PSD3: variants seen among roughly 807,000 people sequenced by gnomAD.
PSD3 encodes pleckstrin and Sec7 domain containing 3.
Under a neutral mutation model 105.5 loss-of-function variants are expected in PSD3, and 49 were observed. The observed-to-expected ratio is 0.46, with a 90% CI of 0.37 to 0.59. The LOEUF (loss-of-function observed/expected upper bound fraction) is 0.59. Ranked by LOEUF, PSD3 falls within the 20% of genes least tolerant of loss-of-function variation. PSD3 has a pLI of 0.00. For synonymous variants in PSD3, 557 were observed against 457.8 expected (o/e 1.22, Z -2.77); for missense variants, 1,561 against 1,263.8 (o/e 1.24, Z -3.57).
At chr8:18,633,802 G>C (rs891396355) in intron 10 of PSD3, among the ~76,000 whole-genome samples, 1 of 152,080 alleles carries the variant, frequency 6.6e-6, no homozygotes, top group Non-Finnish European at 1.5e-5. Context: ...GATTTGAATG[G>C]TAGTTCTTTT....
At chr8:18,918,996 C>T (rs1374685139) in intron 2 of PSD3, among the ~76,000 whole-genome samples, 2 of 152,134 alleles carry the variant, frequency 1.3e-5, no homozygotes, top group African/African-American at 4.8e-5. Context: ...TTCCTTAATT[C>T]TCCTTTCTAC....
chr8:18,859,224 C>CTTTT lies in PSD3; in HGVS notation c.1634+8446_1634+8449dup, dbSNP rs35179243. On this transcript the variant is annotated intron_variant, in intron 4 of 15. Coordinates refer to ENST00000327040, the MANE Select transcript of PSD3 (RefSeq NM_015310.4). Reference sequence around the variant, plus strand: ...TAGCAGTAGTATTTTCAAAGAAATCCTTTTTTTTTTTTTTTTTGCCTCTAA... The same window carrying CTTTT: ...TAGCAGTAGTATTTTCAAAGAAATCCTTTTTTTTTTTTTTTTTTTTTGCCTCTAA... Among the ~76,000 whole-genome samples, 603 of 130,358 alleles carry CTTTT rather than the reference C, an allele frequency of 4.6e-3. 7 individuals carry two copies. The highest frequency in any genetic ancestry group is 0.016 in the South Asian group (63 of 3,972). The allele number at this position is 130,358 out of a possible 152,430, so 85.5% of individuals were successfully genotyped here. A position where few individuals can be genotyped will look rare whatever the true frequency, so the allele number is the denominator to read the frequency against.
chr8:18,967,428 G>C (rs1320901464), intron 1 of PSD3, among the ~76,000 whole-genome samples: 1 of 152,150 alleles, frequency 6.6e-6, no homozygotes, highest in Non-Finnish European at 1.5e-5. Context: ...ACAGGCGTGA[G>C]CCACCGCGCC....
chr8:18,901,931 A>C (rs1380201002), intron 2 of PSD3, among the ~76,000 whole-genome samples: 2 of 150,544 alleles, frequency 1.3e-5, no homozygotes, highest in African/African-American at 4.9e-5. Context: ...ATGTGATTTG[A>C]CTCTCCTCTT....
At position 18,719,034 on chromosome 8, in the gene PSD3, C is replaced by G. The variant is rs536341049; in HGVS notation, c.2172+46415G>C. On this transcript the variant is annotated intron_variant, in intron 9 of 15. Transcript: ENST00000327040. ...AAGCATTAAAGAATGTAAGTGATAA[C>G]AGAGTTATCCTAGATCAGGAGAATG... Among the ~76,000 whole-genome samples, 138 of 152,268 alleles carry G rather than the reference C, an allele frequency of 9.1e-4. 1 individual carries two copies. Among genetic ancestry groups the G allele is most frequent in the Middle Eastern group, 3.4e-3 (1 of 294 alleles).
chr8:18,851,703 T>C (rs1484926674), intron 4 of PSD3, among the ~76,000 whole-genome samples: 1 of 152,172 alleles, frequency 6.6e-6, no homozygotes, highest in Non-Finnish European at 1.5e-5. Context: ...GGGACCGAGC[T>C]GCACAGGGAG....
At chr8:19,006,534 C>T (rs1232794823) in intron 1 of PSD3, among the ~76,000 whole-genome samples, 1 of 152,040 alleles carries the variant, frequency 6.6e-6, no homozygotes, top group Non-Finnish European at 1.5e-5. Context: ...GAGAATTTCA[C>T]ACTGCTATCC....
Position 18,786,521 on chromosome 8 carries a change from T to C in PSD3, c.2082+12774A>G, listed in dbSNP as rs1809174442. Among the ~76,000 whole-genome samples, 3 of 152,322 alleles carry C rather than the reference T, an allele frequency of 2.0e-5. No individual in the cohort carries two copies. In the South Asian group the frequency reaches 6.2e-4, roughly 32 times the overall value. ...TTTCAACAGTGACCATACCATTATC[T>C]ATGTCAGCACAAAGATACCAATTTG... On this transcript the variant is annotated intron_variant, in intron 8 of 15. Transcript: ENST00000327040.
At chr8:18,564,897 C>A (rs1425670936) in intron 14 of PSD3, among the ~76,000 whole-genome samples, 1 of 152,058 alleles carries the variant, frequency 6.6e-6, no homozygotes, top group Non-Finnish European at 1.5e-5. Flanking sequence ...CAGTATCCAT[C>A]TTAAGTCTGA....
intron 2 of PSD3, among the ~76,000 whole-genome samples, chr8:18,898,826 A>T (rs1021782629): frequency 2.0e-5 from 3 of 152,194 alleles, no homozygotes; most frequent in African/African-American, 7.2e-5. Context: ...AGGAGAAAGG[A>T]GTTGTCCTCA....
chr8:18,635,251 A>C (rs1198343254), intron 10 of PSD3, among the ~76,000 whole-genome samples: 1 of 152,088 alleles, frequency 6.6e-6, no homozygotes, highest in Non-Finnish European at 1.5e-5. Flanking sequence ...CTGGCCCTGA[A>C]ATCAACCACT....
chr8:18,825,251 T>G (rs1249464475), intron 4 of PSD3, among the ~76,000 whole-genome samples: 3 of 152,234 alleles, frequency 2.0e-5, no homozygotes, highest in East Asian at 3.9e-4. Flanking sequence ...CTAAACAAAT[T>G]TAGAAAACTA....
At chr8:19,017,695 CATA>C (rs1827221278), upstream of PSD3, among the ~76,000 whole-genome samples, 1 of 152,064 alleles carries the variant, frequency 6.6e-6, no homozygotes, top group African/African-American at 2.4e-5. Flanking sequence ...TTGCACTTAT[CATA>C]ATGTTTTCAA....
intron 1 of PSD3, among the ~76,000 whole-genome samples, chr8:19,033,960 G>C (rs981548085): frequency 2.0e-5 from 3 of 151,932 alleles, no homozygotes; most frequent in Non-Finnish European, 2.9e-5. Flanking sequence ...TAAGCAACAA[G>C]GTAAAGATAA....
At chr8:19,001,834 C>A in intron 1 of PSD3, 1 of 164,962 alleles carries the variant, frequency 6.1e-6, no homozygotes, top group South Asian at 1.8e-4. Flanking sequence ...AGAAGCTTCC[C>A]TATCACTGAC....
chr8:18,795,371 T>C (rs1810082247), intron 8 of PSD3, among the ~76,000 whole-genome samples: 2 of 152,160 alleles, frequency 1.3e-5, no homozygotes, highest in Admixed American at 6.5e-5. Flanking sequence ...CTTATACCAA[T>C]TGTACATGGT....
intron 4 of PSD3, among the ~76,000 whole-genome samples, chr8:18,824,165 G>A (rs182444654): frequency 1.6e-4 from 24 of 152,250 alleles, no homozygotes; most frequent in Admixed American, 7.8e-4. Context: ...AGACATGGCC[G>A]TGTCTCTAAG....
In PSD3 at chr8:18,613,139, G is replaced by T. The variant is rs530012227; in HGVS notation, c.2411-12705C>A. The stretch of plus-strand genomic sequence containing the variant: ...AGGAAAAATATAAACACCAGTGATA[G>T]AGACAGGAGGCAGCCAAGGACCCCT... On this transcript the variant is annotated intron_variant, in intron 11 of 15. Transcript: ENST00000327040. 2.0e-5 allele frequency among the ~76,000 whole-genome samples: 3 copies of T among 152,160 alleles called. No homozygotes were observed. In the South Asian group the frequency reaches 6.2e-4, roughly 32 times the overall value.
At chr8:18,684,516 T>C (rs1296058823) in intron 9 of PSD3, among the ~76,000 whole-genome samples, 1 of 152,222 alleles carries the variant, frequency 6.6e-6, no homozygotes, top group Non-Finnish European at 1.5e-5. Flanking sequence ...AGTGAAACGA[T>C]GCGAGACACA....
Sources: gnomAD v4.1 joint callset for allele counts (sites outside exome capture counted in the v4.1 genomes callset) on GRCh38, gnomAD v4.1.1 for gene constraint, MANE v1.5 for transcripts, NCBI Gene and HGNC (gene_info 2026-07-23, HGNC 2026-07-21) for gene names.